Variants in TGM1 observed in about 807,000 individuals in gnomAD.
TGM1 encodes the protein protein-glutamine gamma-glutamyltransferase K.
In TGM1, 63 loss-of-function variants were observed where a neutral mutation model predicts 88.7. That is an observed-to-expected ratio of 0.71 (90% CI 0.58 to 0.88). The LOEUF (loss-of-function observed/expected upper bound fraction) is 0.88, where lower values mean the gene tolerates loss of function less well. TGM1 is among the 40% of genes least tolerant of loss of function. TGM1 has a pLI of 0.00. For missense variants in TGM1, 996 were observed against 1,118.0 expected (o/e 0.89, Z 1.56); for synonymous variants, 415 against 431.1 (o/e 0.96, Z 0.46).
Position 24,258,562 on chromosome 14 carries a change from A to G in TGM1, c.1271T>C (p.Leu424Pro). 6.2e-7 allele frequency: 1 copy of G among 1,613,600 alleles called. No individual in the cohort carries two copies. Among genetic ancestry groups the G allele is most frequent in the Non-Finnish European group, 8.5e-7 (1 of 1,179,840 alleles). The change falls in exon 8 of 15, where the codon CTG (leucine) becomes CCG (proline). Residue 424 changes from leucine (L) to proline (P), a missense_variant. Leu to Pro is a moderately conservative substitution (Grantham distance 98). Transcript: ENST00000206765. ...DIYFDENMKP[L>P]EHLNHDSVWN... ...GACAGAATCATGGTTCAGGTGCTCCAGGGGCTTCATGTTCTCGTCGAAGTA... is the reference window on the plus strand; with the variant it reads ...GACAGAATCATGGTTCAGGTGCTCCGGGGGCTTCATGTTCTCGTCGAAGTA...
chr14:24,255,368 T>C lies in TGM1; in HGVS notation c.1641A>G (p.Pro547=). Residue 547 remains proline (P), a synonymous_variant, in exon 11 of 15, where the codon CCA becomes CCG. Coordinates refer to ENST00000206765, the MANE Select transcript of TGM1 (RefSeq NM_000359.3). The surrounding 1 kb of genome is among the most constrained non-coding windows in gnomAD (Gnocchi z 4.0). ...REDITYLYKH[P]EGSDAERKAV... ...GCTGGGTTGGGGGAATGGTACCTTC[T>C]GGGTGCTTATAGAGGTAGGTGATGT... is the stretch of plus-strand genomic sequence containing the variant. 1.9e-6 allele frequency: 3 copies of C among 1,614,238 alleles called. No individual in the cohort carries two copies. The highest frequency in any genetic ancestry group is 1.3e-5 in the African/African-American group (1 of 75,056).
intron 14 of TGM1, among the ~76,000 whole-genome samples, chr14:24,251,231 C>T (rs41293842): frequency 6.6e-6 from 1 of 152,166 alleles, no homozygotes; most frequent in Admixed American, 6.5e-5. Flanking sequence ...TAAATTAAGT[C>T]TATAACTTAA....
At position 24,254,672 on chromosome 14, in the gene TGM1, A is replaced by T; in HGVS notation, c.2080T>A (p.Ser694Thr). ...CAGCAAACTGCATTCACCGTGAGGG[A>T]GAGGTCTGGGGTGCGCAGACGGAAG... is the stretch of plus-strand genomic sequence containing the variant. ...HTFRLRTPDL[S>T]LTLLGAAVVG... The change falls in exon 13 of 15, where the codon TCC becomes ACC. Residue 694 changes from serine to threonine, a missense_variant. Transcript: ENST00000206765. 6.2e-7 allele frequency: 1 copy of T among 1,613,846 alleles called. No homozygotes were observed.
intron 13 of TGM1, 129 bp downstream of exon 13, chr14:24,254,535 G>A (rs879009629): frequency 1.3e-5 from 19 of 1,451,752 alleles, no homozygotes; most frequent in African/African-American, 4.2e-5. Context: ...CCCCAGAGCC[G>A]GTCCTTGACC....
At chr14:24,257,225 G>A (rs1046781297) in intron 9 of TGM1, among the ~76,000 whole-genome samples, 4 of 152,202 alleles carry the variant, frequency 2.6e-5, no homozygotes, top group African/African-American at 7.2e-5. Context: ...GAAGAGGCCA[G>A]GGGAGGAATG....
Position 24,254,830 on chromosome 14 carries a change from G to C in TGM1, c.1928-6C>G, listed in dbSNP as rs1469446705. ...TGGCATGGTCACACGGTCCGCTGTG[G>C]AGAAGAGGCATGGCGTCACTGAGGC... On this transcript the variant is annotated splice_region_variant and splice_polypyrimidine_tract_variant and intron_variant, in intron 12 of 14. Transcript: ENST00000206765. 1 of 1,613,570 alleles carries C rather than the reference G, an allele frequency of 6.2e-7. No individual in the cohort carries two copies. The highest frequency in any genetic ancestry group is 1.3e-5 in the African/African-American group (1 of 74,912).
chr14:24,258,422 C>A, intron 8 of TGM1, 34 bp from the exon 9 acceptor site: 3 of 1,612,420 alleles, frequency 1.9e-6, no homozygotes, highest in East Asian at 2.2e-5. Context: ...TGGGTCTGAG[C>A]CCCAGGGTCA....
In TGM1 at chr14:24,262,034, C is replaced by G; in HGVS notation, c.319G>C (p.Glu107Gln). The change falls in exon 2 of 15, where the codon GAG (glutamate) becomes CAG (glutamine). Residue 107 changes from glutamate (E) to glutamine (Q), a missense_variant and splice_region_variant. Physicochemically the swap from Glu to Gln is conservative, Grantham distance 29 (BLOSUM62 2). Transcript: ENST00000206765. ...GCTGAGGAGGACAGACCGGCCTCAC[C>G]TCGGATGGTGCCATCTCCAGCTGCA... ...VNAAGDGTIR[E>Q]GMLVVNGVDL... 1 of 1,613,532 alleles carries G rather than the reference C, an allele frequency of 6.2e-7. No homozygotes were observed. Among genetic ancestry groups the G allele is most frequent in the South Asian group, 1.1e-5 (1 of 91,084 alleles).
intron 14 of TGM1, 79 bp from the exon 15 acceptor site, chr14:24,249,620 G>T: frequency 7.7e-7 from 1 of 1,296,970 alleles, no homozygotes; most frequent in Non-Finnish European, 1.1e-6. Context: ...GGGCAGTCAG[G>T]AGGAAGAAGC....
Position 24,259,676 on chromosome 14 carries a change from T to C in TGM1, c.984+28A>G, listed in dbSNP as rs199994781. On this transcript the variant is annotated intron_variant, in intron 6 of 14. Transcript: ENST00000206765. This position sits in a 1 kb window ranked among gnomAD's most constrained non-coding sequence, Gnocchi z 5.7. ...GGCGAGGCAGCAGGCACACACACAG[T>C]AGGACTCAGAGATGTGAGGGTGCTC... is the stretch of plus-strand genomic sequence containing the variant. 2.0e-4 allele frequency: 308 copies of C among 1,576,680 alleles called. 2 individuals are homozygous for C. The African/African-American group carries it at 3.3e-3, about 17-fold the overall frequency.
At chr14:24,260,222 G>A in intron 4 of TGM1, 164 bp from the exon 5 acceptor site, 1 of 929,440 alleles carries the variant, frequency 1.1e-6, no homozygotes, top group South Asian at 1.4e-5. Flanking sequence ...GACAGATGGT[G>A]GAGGAGATTG....
intron 14 of TGM1, among the ~76,000 whole-genome samples, chr14:24,252,858 A>G (rs1242436898): frequency 6.6e-6 from 1 of 152,202 alleles, no homozygotes; most frequent in Admixed American, 6.5e-5. Flanking sequence ...CTGATCTAGA[A>G]GGCCAGGCTC....
At chr14:24,258,725 G>T in intron 7 of TGM1, 52 bp from the exon 8 acceptor site, 1 of 1,608,648 alleles carries the variant, frequency 6.2e-7, no homozygotes, top group South Asian at 1.1e-5. Flanking sequence ...GGCAAGTGAG[G>T]CATCGTGTCA....
chr14:24,260,805 T>A, intron 3 of TGM1, 107 bp from the exon 4 acceptor site: 1 of 1,457,254 alleles, frequency 6.9e-7, no homozygotes, highest in Non-Finnish European at 9.5e-7. Flanking sequence ...CCACTGTGTA[T>A]GTCCCTACGT....
intron 14 of TGM1, among the ~76,000 whole-genome samples, chr14:24,250,175 T>A (rs938538135): frequency 2.7e-4 from 14 of 52,428 alleles, no homozygotes; most frequent in African/African-American, 1.4e-3. Context: ...TGTGTGTGTG[T>A]GTGTGAGAGA....
chr14:24,259,761 C>T lies in TGM1; in HGVS notation c.927G>A (p.Gly309=), dbSNP rs923331374. The T allele has an allele frequency of 1.2e-6, 2 of 1,612,816 alleles. No individual in the cohort carries two copies. The highest frequency in any genetic ancestry group is 1.7e-5 in the Admixed American group (1 of 59,924). Residue 309 remains glycine (G), a synonymous_variant, in exon 6 of 15, where the codon GGG becomes GGA. Transcript: ENST00000206765. This position sits in a 1 kb window ranked among gnomAD's most constrained non-coding sequence, Gnocchi z 5.7. ...DACLYILDRR[G]MPYGGRGDPV... is the part of the protein sequence containing the mutation. ...GGTCTCCACGGCCTCCATATGGCAT[C>T]CCCCGCCGGTCCAGGATGTATAAGC...
intron 8 of TGM1, 69 bp downstream of exon 8, chr14:24,258,466 G>GC: frequency 7.3e-6 from 11 of 1,514,798 alleles, no homozygotes; most frequent in Non-Finnish European, 9.2e-6. Context: ...CCCCAGCCCT[G>GC]CCCACCCTCC....
intron 14 of TGM1, among the ~76,000 whole-genome samples, chr14:24,252,737 C>T (rs2040712297): frequency 6.6e-6 from 1 of 151,660 alleles, no homozygotes; most frequent in Admixed American, 6.5e-5. Context: ...GAGGGGTGGG[C>T]AAGTGGGCAG....
chr14:24,256,871 C>T (rs1047158435), intron 9 of TGM1, among the ~76,000 whole-genome samples: 9 of 152,190 alleles, frequency 5.9e-5, no homozygotes, highest in Admixed American at 1.3e-4. Flanking sequence ...GCTACACTCC[C>T]GGCATGCTGC....
Sources: gnomAD v4.1 joint callset for allele counts (sites outside exome capture counted in the v4.1 genomes callset) on GRCh38, gnomAD v4.1.1 for gene constraint, Gnocchi (gnomAD v3.1) non-coding constraint, MANE v1.5 for transcripts, NCBI Gene and HGNC (gene_info 2026-07-23, HGNC 2026-07-21) for gene names.